ZNF280D: variants seen among roughly 807,000 people sequenced by gnomAD.
The protein encoded by ZNF280D is zinc finger protein 280D, also known as suppressor of hairy wing homolog 4.
A neutral mutation model predicts 94.7 loss-of-function variants in ZNF280D; 39 were observed. The observed-to-expected ratio is 0.41, with a 90% CI of 0.32 to 0.54. The LOEUF (loss-of-function observed/expected upper bound fraction) is 0.54. Among genes scored for constraint, ZNF280D ranks in the 20% least tolerant of loss-of-function variants. The probability of loss-of-function intolerance (pLI) is 0.22; values close to 1 mark genes in which losing one functional copy is unlikely to be tolerated. For missense variants in ZNF280D, 1,090 were observed against 1,149.3 expected (o/e 0.95, Z 0.75); for synonymous variants, 398 against 377.6 (o/e 1.05, Z -0.63).
chr15:56,636,606 C>T (rs1173008677), intron 20 of ZNF280D, among the ~76,000 whole-genome samples: 2 of 151,760 alleles, frequency 1.3e-5, no homozygotes, highest in Admixed American at 1.3e-4. Flanking sequence ...GTCTCAGCCC[C>T]CTGAGTAGCT....
At chr15:56,727,147 G>T (rs975010779) in intron 1 of ZNF280D, among the ~76,000 whole-genome samples, 10 of 152,202 alleles carry the variant, frequency 6.6e-5, no homozygotes, top group African/African-American at 2.2e-4. Context: ...AATCTCAAGG[G>T]AAAAGAGTTG....
At chr15:56,701,413 C>A (rs2057062406) in intron 4 of ZNF280D, among the ~76,000 whole-genome samples, 175 bp from the exon 5 acceptor site, 1 of 151,840 alleles carries the variant, frequency 6.6e-6, no homozygotes, top group South Asian at 2.1e-4. Flanking sequence ...ACTAAAGAAA[C>A]AAAAGAAACA....
chr15:56,656,762 A>G (rs2053576980), intron 17 of ZNF280D, among the ~76,000 whole-genome samples: 1 of 152,218 alleles, frequency 6.6e-6, no homozygotes, highest in South Asian at 2.1e-4. Context: ...ACCACACACA[A>G]TATAGTGAGA....
chr15:56,635,150 T>G, intron 21 of ZNF280D, 45 bp downstream of exon 21: 1 of 1,244,118 alleles, frequency 8.0e-7, no homozygotes. Flanking sequence ...AAGTGTTATT[T>G]TGTATACTTG....
intron 16 of ZNF280D, among the ~76,000 whole-genome samples, chr15:56,662,866 G>A (rs2054039495): frequency 6.8e-6 from 1 of 147,326 alleles, no homozygotes; most frequent in Non-Finnish European, 1.5e-5. Flanking sequence ...TAGATGAATA[G>A]TACACAATTC....
At chr15:56,728,778 A>T (rs550610814) in intron 1 of ZNF280D, among the ~76,000 whole-genome samples, 2 of 152,316 alleles carry the variant, frequency 1.3e-5, no homozygotes, top group South Asian at 4.1e-4. Context: ...TACTCATACA[A>T]CCATTCTGTT....
At chr15:56,697,776 T>A (rs2056840462) in intron 6 of ZNF280D, 1 of 152,294 alleles carries the variant, frequency 6.6e-6, no homozygotes, top group South Asian at 2.1e-4. Context: ...ATTTATTTAT[T>A]CATTTTAAAA....
intron 9 of ZNF280D, among the ~76,000 whole-genome samples, chr15:56,684,683 A>G (rs2055875493): frequency 6.6e-6 from 1 of 152,022 alleles, no homozygotes; most frequent in Admixed American, 6.6e-5. Context: ...GACATTGCAA[A>G]TAAAATAAAG....
intron 16 of ZNF280D, among the ~76,000 whole-genome samples, chr15:56,665,768 T>G (rs1203115488): frequency 6.7e-6 from 1 of 149,342 alleles, no homozygotes; most frequent in East Asian, 2.0e-4. Context: ...AGTAAATATA[T>G]TTAAAAATTT....
At chr15:56,700,381 G>T in intron 6 of ZNF280D, 1 of 525,860 alleles carries the variant, frequency 1.9e-6, no homozygotes, top group Non-Finnish European at 2.4e-6. Flanking sequence ...AGAACTAAAT[G>T]AAATGAATTT....
intron 3 of ZNF280D, 85 bp downstream of exon 3, chr15:56,706,997 T>C: frequency 7.4e-7 from 1 of 1,357,460 alleles, no homozygotes; most frequent in Non-Finnish European, 1.0e-6. Context: ...TTTTAAAAAA[T>C]GTCTCCCAAC....
chr15:56,680,438 C>T lies in ZNF280D; in HGVS notation c.1005-1617G>A, dbSNP rs1028772694. Among the ~76,000 whole-genome samples, 6 of 152,042 alleles carry T rather than the reference C, an allele frequency of 3.9e-5. No individual in the cohort carries two copies. The South Asian group carries it at 1.0e-3, about 26-fold the overall frequency. On this transcript the variant is annotated intron_variant, in intron 10 of 21. Transcript: ENST00000267807. ...TAAATATTATGAAAGCCTAAACATA[C>T]GTAGCTAGTCTTCATAAACATAACC... is the stretch of plus-strand genomic sequence containing the variant.
At chr15:56,639,072 T>C (rs1012986155) in intron 20 of ZNF280D, among the ~76,000 whole-genome samples, 1 of 151,950 alleles carries the variant, frequency 6.6e-6, no homozygotes, top group Non-Finnish European at 1.5e-5. Context: ...CAATATTTAA[T>C]ATCTCCAAAG....
rs2054590904 is a variant in ZNF280D, at chr15:56,669,886, TA to T, written c.1411-930del. On this transcript the variant is annotated intron_variant, in intron 13 of 21. Coordinates refer to ENST00000267807, the MANE Select transcript of ZNF280D (RefSeq NM_017661.4). ...TATATATATATTTTATATATATATA[TA>T]TTATATATATATATAATATATATAT... Among the ~76,000 whole-genome samples the T allele has an allele frequency of 1.2e-3, 7 of 5,688 alleles. 1 individual carries two copies. Among genetic ancestry groups the T allele is most frequent in the African/African-American group, 2.6e-3 (7 of 2,674 alleles). 3.7% of individuals were successfully genotyped at this position (5,688 alleles called of 152,430 possible).
intron 6 of ZNF280D, chr15:56,699,166 T>C (rs2056915393): frequency 6.3e-6 from 1 of 158,958 alleles, no homozygotes; most frequent in African/African-American, 2.4e-5. Context: ...TCAAATATCG[T>C]ACAAAAGTAA....
intron 21 of ZNF280D, among the ~76,000 whole-genome samples, chr15:56,633,877 T>A (rs2052215821): frequency 6.6e-6 from 1 of 152,190 alleles, no homozygotes; most frequent in East Asian, 1.9e-4. Flanking sequence ...TTTTTTAAGT[T>A]TGTCAGTTTC....
chr15:56,726,899 G>A (rs1223000597), intron 1 of ZNF280D, among the ~76,000 whole-genome samples: 2 of 152,094 alleles, frequency 1.3e-5, no homozygotes, highest in African/African-American at 4.8e-5. Context: ...AAGAGAAGAA[G>A]CATACAATTT....
rs774409216 is a variant in ZNF280D at position 56,676,691 on chromosome 15, C to T, written c.1389G>A (p.Met463Ile). ...TCACCTGATGCTTCATATAATGATGCATATATGGTGTTGCAATTTTAATAA... is the reference window on the plus strand; with the variant it reads ...TCACCTGATGCTTCATATAATGATGTATATATGGTGTTGCAATTTTAATAA... ...LKVIKIATPY[M>I]HHYMKHQKKG... The change falls in exon 13 of 22, where the codon ATG becomes ATA. Residue 463 changes from methionine (M) to isoleucine (I), a missense_variant. By Grantham distance (10) the Met-to-Ile change is conservative. This residue lies in a region of ZNF280D where 127 missense variants were observed against 208.6 expected (regional missense o/e 0.61). Transcript: ENST00000267807. 8 of 1,610,668 alleles carry T rather than the reference C, an allele frequency of 5.0e-6. No individual in the cohort carries two copies. Among genetic ancestry groups the T allele is most frequent in the African/African-American group, 2.7e-5 (2 of 74,754 alleles).
chr15:56,726,567 A>C (rs918375322), intron 1 of ZNF280D, among the ~76,000 whole-genome samples: 3 of 152,184 alleles, frequency 2.0e-5, no homozygotes, highest in Admixed American at 2.0e-4. Context: ...ACATCTTGAA[A>C]TATTTTGCTA....
Sources: allele counts gnomAD v4.1 joint callset (sites outside exome capture counted in the v4.1 genomes callset), GRCh38; gene constraint gnomAD v4.1.1; regional missense constraint gnomAD v4.1.1; transcripts MANE v1.5; gene names NCBI Gene and HGNC (gene_info 2026-07-23, HGNC 2026-07-21).